Variants in RGPD3 observed in about 807,000 individuals in gnomAD.
The protein encoded by RGPD3 is RANBP2 like and GRIP domain containing 3, also known as ranBP2-like and GRIP domain-containing protein 3.
A neutral mutation model predicts 154.5 loss-of-function variants in RGPD3; 62 were observed. That is an observed-to-expected ratio of 0.40 (90% CI 0.33 to 0.50). The LOEUF (loss-of-function observed/expected upper bound fraction) is 0.50. RGPD3 is among the 20% of genes least tolerant of loss of function. The pLI, the probability that RGPD3 is intolerant of heterozygous loss-of-function variation, is 0.59. For missense variants in RGPD3, 919 were observed against 1,716.8 expected (o/e 0.54, Z 8.21); for synonymous variants, 308 against 607.0 (o/e 0.51, Z 7.24).
intron 7 of RGPD3, among the ~76,000 whole-genome samples, chr2:106,441,820 T>C (rs1039784761): frequency 2.4e-5 from 3 of 127,464 alleles, no homozygotes; most frequent in Non-Finnish European, 4.7e-5. Context: ...GCCGAGACTG[T>C]GCCATTGCAC....
At chr2:106,470,842 C>A, upstream of RGPD3, 1 of 1,557,188 alleles carries the variant, frequency 6.4e-7, no homozygotes, top group Non-Finnish European at 8.8e-7. Flanking sequence ...GGCTTTGGAG[C>A]ACTAACGCCA....
At chr2:106,465,741 A>C (rs1054246222) in intron 1 of RGPD3, among the ~76,000 whole-genome samples, 1 of 151,526 alleles carries the variant, frequency 6.6e-6, no homozygotes, top group African/African-American at 2.4e-5. Flanking sequence ...TTTTTTTTTT[A>C]AGCAAAGTCA....
At chr2:106,415,357 G>C (rs1334011166) in intron 21 of RGPD3, among the ~76,000 whole-genome samples, 32 of 151,926 alleles carry the variant, frequency 2.1e-4, no homozygotes, top group Non-Finnish European at 4.4e-5. Flanking sequence ...TAGGAATTAA[G>C]AAATAATCTT....
chr2:106,424,707 A>T lies in RGPD3; in HGVS notation c.3260T>A (p.Ile1087Asn). ...TTTGCCATTGACCTCGTTTTTGAGA[A>T]TTTTTAAGTTCCCCAAGCCCCTTTC... ...WKERGLGNLKILKNEVNGKVR... is the reference protein window; with the variant it reads ...WKERGLGNLKNLKNEVNGKVR... Residue 1087 changes from isoleucine to asparagine, a missense_variant, in exon 20 of 23, where the codon ATT becomes AAT. Coordinates refer to ENST00000409886, the MANE Select transcript of RGPD3 (RefSeq NM_001144013.2). 1 of 1,611,916 alleles carries T rather than the reference A, an allele frequency of 6.2e-7. No individual in the cohort carries two copies. The highest frequency in any genetic ancestry group is 8.5e-7 in the Non-Finnish European group (1 of 1,179,840).
chr2:106,424,350 T>C lies in RGPD3; in HGVS notation c.3617A>G (p.Lys1206Arg). Reference sequence around the variant, plus strand: ...TGTTTGATCATTTGTCAAAAATGTTTTGAAATCTTTCAGTCCACTCTTCAT... The same window carrying C: ...TGTTTGATCATTTGTCAAAAATGTTCTGAAATCTTTCAGTCCACTCTTCAT... The part of the protein sequence containing the change: ...EEMKSGLKDF[K>R]TFLTNDQTKV... Residue 1206 changes from lysine (K) to arginine (R), a missense_variant, in exon 20 of 23, where the codon AAA becomes AGA. Physicochemically the swap from Lys to Arg is conservative, Grantham distance 26. Coordinates refer to ENST00000409886, the MANE Select transcript of RGPD3 (RefSeq NM_001144013.2). 1.9e-6 allele frequency: 3 copies of C among 1,611,824 alleles called. No homozygotes were observed. The highest frequency in any genetic ancestry group is 2.2e-5 in the East Asian group (1 of 44,868).
At chr2:106,426,936 C>T (rs1379276680) in intron 18 of RGPD3, among the ~76,000 whole-genome samples, 253 of 151,406 alleles carry the variant, frequency 1.7e-3, no homozygotes, top group African/African-American at 5.8e-3. Context: ...GTGAGGATAG[C>T]TATTTTGAAA....
chr2:106,446,618 C>T (rs1219547034), intron 7 of RGPD3, among the ~76,000 whole-genome samples: 2 of 135,582 alleles, frequency 1.5e-5, no homozygotes, highest in Admixed American at 1.5e-4. Flanking sequence ...CGCAGTGCCT[C>T]GCGCCTGTAA....
chr2:106,427,475 C>A (rs1354935046), intron 18 of RGPD3, among the ~76,000 whole-genome samples: 1 of 150,654 alleles, frequency 6.6e-6, no homozygotes, highest in East Asian at 1.9e-4. Flanking sequence ...AAGGTACCCA[C>A]GTTGAAGATG....
intron 6 of RGPD3, among the ~76,000 whole-genome samples, chr2:106,451,096 A>AAC (rs765237832): frequency 0.057 from 8,394 of 146,990 alleles, 170 homozygotes; most frequent in Middle Eastern, 0.12. Context: ...TCAAAAAAAA[A>AAC]AAAACAAAAA....
intron 22 of RGPD3, among the ~76,000 whole-genome samples, chr2:106,409,938 C>T (rs1676621536): frequency 6.8e-6 from 1 of 147,170 alleles, no homozygotes; most frequent in South Asian, 2.2e-4. Context: ...TGCAATGGCA[C>T]CATCTCGGCT....
At chr2:106,469,944 A>G (rs976930185), upstream of RGPD3, among the ~76,000 whole-genome samples, 7 of 152,210 alleles carry the variant, frequency 4.6e-5, no homozygotes, top group African/African-American at 1.7e-4. Context: ...CATTCAGAAG[A>G]AAACCACCTT....
At position 106,424,189 on chromosome 2, in the gene RGPD3, C is replaced by G. The variant is rs745926457; in HGVS notation, c.3778G>C (p.Asp1260His). Reference protein sequence around the residue: ...DNYDLREDALDDSVSSSSVHA... With the variant: ...DNYDLREDALHDSVSSSSVHA... Reference sequence around the variant, plus strand: ...ACTGAGCTACTACTGACACTATCATCCAAAGCATCTTCCCTTAAATCATAG... The same window carrying G: ...ACTGAGCTACTACTGACACTATCATGCAAAGCATCTTCCCTTAAATCATAG... The change falls in exon 20 of 23, where the codon GAT (aspartate) becomes CAT (histidine). Residue 1260 changes from aspartate to histidine, a missense_variant. Physicochemically the swap from Asp to His is moderately conservative, Grantham distance 81. Transcript: ENST00000409886. 3 of 1,611,884 alleles carry G rather than the reference C, an allele frequency of 1.9e-6. No individual in the cohort carries two copies. The highest frequency in any genetic ancestry group is 3.3e-5 in the Admixed American group (2 of 60,008).
At chr2:106,446,708 C>T (rs1446411131) in intron 7 of RGPD3, among the ~76,000 whole-genome samples, 1 of 149,936 alleles carries the variant, frequency 6.7e-6, no homozygotes, top group African/African-American at 2.4e-5. Context: ...TGGTGAAACC[C>T]CATCTCTATT....
At chr2:106,409,213 T>A (rs1230622909) in intron 22 of RGPD3, among the ~76,000 whole-genome samples, 2 of 152,116 alleles carry the variant, frequency 1.3e-5, no homozygotes, top group Non-Finnish European at 2.9e-5. Context: ...AGACCTTTCT[T>A]CTAGCATCCC....
At chr2:106,440,444 C>G (rs1400884607) in intron 8 of RGPD3, among the ~76,000 whole-genome samples, 2 of 151,574 alleles carry the variant, frequency 1.3e-5, no homozygotes, top group Non-Finnish European at 2.9e-5. Flanking sequence ...CAATTTTTAT[C>G]TAACTGTGAC....
At chr2:106,445,410 C>CA (rs1175017046) in intron 7 of RGPD3, among the ~76,000 whole-genome samples, 153 of 149,156 alleles carry the variant, frequency 1.0e-3, no homozygotes, top group African/African-American at 3.4e-3. Context: ...TTCACTAATC[C>CA]ATTCCTTATG....
intron 2 of RGPD3, among the ~76,000 whole-genome samples, chr2:106,459,013 T>A (rs1473913610): frequency 5.5e-5 from 8 of 145,840 alleles, no homozygotes; most frequent in African/African-American, 2.0e-4. Flanking sequence ...AAGACAATTT[T>A]TAGAAAAAGT....
At chr2:106,421,581 T>C (rs1676988368) in intron 20 of RGPD3, among the ~76,000 whole-genome samples, 1 of 151,498 alleles carries the variant, frequency 6.6e-6, no homozygotes. Flanking sequence ...CACTTCTTGT[T>C]CCACTCTAGT....
At chr2:106,449,849 C>T (rs1412793351) in intron 6 of RGPD3, among the ~76,000 whole-genome samples, 5 of 151,692 alleles carry the variant, frequency 3.3e-5, no homozygotes, top group Admixed American at 3.3e-4. Flanking sequence ...AACCCCATCT[C>T]TACTAAAAAT....
Sources: allele counts gnomAD v4.1 joint callset (sites outside exome capture counted in the v4.1 genomes callset), GRCh38; gene constraint gnomAD v4.1.1; transcripts MANE v1.5; gene names NCBI Gene and HGNC (gene_info 2026-07-23, HGNC 2026-07-21).